HCN1: variants seen among roughly 807,000 people sequenced by gnomAD.
HCN1 encodes the protein potassium/sodium hyperpolarization-activated cyclic nucleotide-gated channel 1.
Under a neutral mutation model 78.9 loss-of-function variants are expected in HCN1, and 13 were observed. The observed-to-expected ratio is 0.16, with a 90% CI of 0.11 to 0.26. The LOEUF is 0.26. Ranked by LOEUF, HCN1 falls within the 10% of genes least tolerant of loss-of-function variation. The pLI, the probability that HCN1 is intolerant of heterozygous loss-of-function variation, is 1.00. For missense variants in HCN1, 810 were observed against 1,154.3 expected, an observed-to-expected ratio of 0.70 and a Z score of 4.32; for synonymous variants, 552 against 455.5, an observed-to-expected ratio of 1.21 and a Z score of -2.70.
intron 4 of HCN1, among the ~76,000 whole-genome samples, chr5:45,385,258 T>G (rs1305449976): frequency 1.3e-5 from 2 of 152,108 alleles, no homozygotes; most frequent in Admixed American, 6.6e-5. Context: ...ATATCCCTTA[T>G]TGCTAGATTT....
chr5:45,333,131 C>T (rs1329990202), intron 5 of HCN1, among the ~76,000 whole-genome samples: 2 of 151,794 alleles, frequency 1.3e-5, no homozygotes, highest in Admixed American at 1.3e-4. Context: ...TCCCTTTTCT[C>T]CACATCCTTG....
intron 4 of HCN1, among the ~76,000 whole-genome samples, chr5:45,382,888 G>A (rs1319539893): frequency 6.6e-6 from 1 of 152,124 alleles, no homozygotes; most frequent in East Asian, 1.9e-4. Context: ...GGACTTTATT[G>A]TAATGTTAGG....
At chr5:45,649,145 C>T (rs758973856) in intron 1 of HCN1, among the ~76,000 whole-genome samples, 1 of 151,986 alleles carries the variant, frequency 6.6e-6, no homozygotes, top group Non-Finnish European at 1.5e-5. Context: ...TTCTACCTAA[C>T]AGCCCTCAAA....
At chr5:45,290,619 A>G (rs1030083989) in intron 6 of HCN1, among the ~76,000 whole-genome samples, 1 of 152,064 alleles carries the variant, frequency 6.6e-6, no homozygotes, top group African/African-American at 2.4e-5. Context: ...AGTTAATTTA[A>G]TTTTATAAAA....
intron 2 of HCN1, among the ~76,000 whole-genome samples, chr5:45,614,233 T>C (rs1202646136): frequency 6.6e-6 from 1 of 152,138 alleles, no homozygotes; most frequent in East Asian, 1.9e-4. Flanking sequence ...ATATTTTCAT[T>C]TGTATCCTGG....
chr5:45,301,736 A>T (rs559274957), intron 6 of HCN1, among the ~76,000 whole-genome samples: 1 of 151,352 alleles, frequency 6.6e-6, no homozygotes, highest in African/African-American at 2.4e-5. Flanking sequence ...AAAAAAAAAA[A>T]AAAAGAAAGA....
rs150166879 is a variant in HCN1 at position 45,519,994 on chromosome 5, T to C, written c.850-57987A>G. 5.1e-3 allele frequency among the ~76,000 whole-genome samples: 780 copies of C among 152,104 alleles called. 4 individuals are homozygous for C. Among genetic ancestry groups the C allele is most frequent in the Non-Finnish European group, 7.4e-3 (501 of 67,942 alleles). On this transcript the variant is annotated intron_variant, in intron 2 of 7. Coordinates refer to ENST00000303230, the MANE Select transcript of HCN1 (RefSeq NM_021072.4). ...TAGTACCTGTAAGACTTGAATTCATTGCCACAAAATACTGATCAAAATCTT... is the reference window on the plus strand; with the variant it reads ...TAGTACCTGTAAGACTTGAATTCATCGCCACAAAATACTGATCAAAATCTT...
At chr5:45,657,171 A>G (rs1361894483) in intron 1 of HCN1, among the ~76,000 whole-genome samples, 1 of 152,172 alleles carries the variant, frequency 6.6e-6, no homozygotes, top group African/African-American at 2.4e-5. Context: ...TAATTTTCTG[A>G]GCAATTCACA....
At chr5:45,638,293 T>C (rs1745393359) in intron 2 of HCN1, among the ~76,000 whole-genome samples, 1 of 152,148 alleles carries the variant, frequency 6.6e-6, no homozygotes, top group Non-Finnish European at 1.5e-5. Flanking sequence ...ACTGGGTATA[T>C]AATTTAGAAA....
At chr5:45,551,962 C>T (rs1743378720) in intron 2 of HCN1, among the ~76,000 whole-genome samples, 1 of 151,970 alleles carries the variant, frequency 6.6e-6, no homozygotes, top group Non-Finnish European at 1.5e-5. Context: ...TATATCCAAG[C>T]CACAGGATAA....
At chr5:45,567,950 A>G (rs1331654046) in intron 2 of HCN1, among the ~76,000 whole-genome samples, 2 of 151,866 alleles carry the variant, frequency 1.3e-5, no homozygotes, top group African/African-American at 2.4e-5. Flanking sequence ...ACACACATAT[A>G]CACACACTGC....
chr5:45,463,707 A>G (rs1341958738), intron 2 of HCN1, among the ~76,000 whole-genome samples: 1 of 152,046 alleles, frequency 6.6e-6, no homozygotes, highest in African/African-American at 2.4e-5. Context: ...AATACAACAT[A>G]ATAAAAAAGC....
intron 2 of HCN1, among the ~76,000 whole-genome samples, chr5:45,616,312 A>G (rs747740407): frequency 1.2e-4 from 18 of 151,942 alleles, no homozygotes; most frequent in Non-Finnish European, 2.7e-4. Context: ...AAGTAGAAAA[A>G]CTTATCAGAT....
At position 45,255,872 on chromosome 5, in the gene HCN1, C is replaced by G. The variant is rs539587419; in HGVS notation, c.*6049G>C. The G allele has an allele frequency of 5.5e-5, 8 of 146,688 alleles. No homozygotes were observed. In the East Asian group the frequency reaches 1.6e-3, roughly 29 times the overall value. The allele number at this position is 146,688 out of a possible 1,614,324, so 9.1% of individuals were successfully genotyped here. A position where few individuals can be genotyped will look rare whatever the true frequency, so the allele number is the denominator to read the frequency against. On this transcript the variant is annotated 3_prime_UTR_variant, in exon 8 of 8. Transcript: ENST00000303230. ...ATATTCTCTGTAGAAAACGATGCAA[C>G]CTGTTTTTTTGCAAAATTCCGTTAT...
intron 3 of HCN1, among the ~76,000 whole-genome samples, chr5:45,431,033 C>A (rs1740451823): frequency 6.6e-6 from 1 of 152,132 alleles, no homozygotes; most frequent in African/African-American, 2.4e-5. Context: ...CTGCTTTCCA[C>A]AATGGTTGAA....
rs80091646 is a variant in HCN1 at position 45,361,599 on chromosome 5, G to A, written c.1231-8353C>T. 5.8e-4 allele frequency among the ~76,000 whole-genome samples: 88 copies of A among 152,214 alleles called. 1 individual carries two copies. The highest frequency in any genetic ancestry group is 2.1e-3 in the East Asian group (11 of 5,152). On this transcript the variant is annotated intron_variant, in intron 4 of 7. Coordinates refer to ENST00000303230, the MANE Select transcript of HCN1 (RefSeq NM_021072.4). ...AGTGCTGGGATATTACAAGTAAAGC[G>A]TGTTATTCTTCCATCCAGAATAATC...
At chr5:45,332,038 GT>G (rs1433281243) in intron 5 of HCN1, among the ~76,000 whole-genome samples, 1 of 151,494 alleles carries the variant, frequency 6.6e-6, no homozygotes, top group African/African-American at 2.4e-5. Context: ...CTAGACAAAT[GT>G]AGTATACATA....
chr5:45,318,289 T>C (rs1188049507), intron 5 of HCN1, among the ~76,000 whole-genome samples: 2 of 152,044 alleles, frequency 1.3e-5, no homozygotes, highest in African/African-American at 2.4e-5. Context: ...CTGGAAACCA[T>C]CTTTCTTAGA....
intron 7 of HCN1, 125 bp from the exon 8 acceptor site, chr5:45,262,935 C>T: frequency 1.0e-6 from 1 of 998,436 alleles, no homozygotes; most frequent in South Asian, 1.4e-5. Flanking sequence ...AAAAGCCAGT[C>T]ACTCACCTTT....
Sources: allele counts gnomAD v4.1 joint callset (sites outside exome capture counted in the v4.1 genomes callset), GRCh38; gene constraint gnomAD v4.1.1; transcripts MANE v1.5; gene names NCBI Gene and HGNC (gene_info 2026-07-23, HGNC 2026-07-21).